Variants in MAP2K5 observed in about 807,000 individuals in gnomAD.
MAP2K5 encodes the protein dual specificity mitogen-activated protein kinase kinase 5.
A neutral mutation model predicts 83.1 loss-of-function variants in MAP2K5; 49 were observed. The observed-to-expected ratio is 0.59, with a 90% CI of 0.47 to 0.75. The LOEUF is 0.75. Ranked by LOEUF, MAP2K5 falls within the 30% of genes least tolerant of loss-of-function variation. The pLI, the probability that MAP2K5 is intolerant of heterozygous loss-of-function variation, is 0.00. For missense variants in MAP2K5, 457 were observed against 557.5 expected (o/e 0.82, Z 1.82); for synonymous variants, 202 against 191.8 (o/e 1.05, Z -0.44).
At chr15:67,699,119 G>T (rs968179145) in intron 15 of MAP2K5, among the ~76,000 whole-genome samples, 3 of 151,758 alleles carry the variant, frequency 2.0e-5, no homozygotes, top group Non-Finnish European at 4.4e-5. Context: ...GTTTAAATAT[G>T]CTAGCTAAGT....
intron 6 of MAP2K5, 82 bp from the exon 7 acceptor site, chr15:67,592,844 A>G: frequency 2.1e-6 from 2 of 933,430 alleles, no homozygotes; most frequent in South Asian, 2.9e-5. Flanking sequence ...TGTAAAAGCA[A>G]AGGTGTATTT....
At chr15:67,697,373 A>T (rs1238977202) in intron 15 of MAP2K5, among the ~76,000 whole-genome samples, 1 of 152,220 alleles carries the variant, frequency 6.6e-6, no homozygotes. Context: ...TTTTAGAGAT[A>T]AAGAAACTGA....
intron 9 of MAP2K5, chr15:67,641,392 A>G: frequency 5.0e-6 from 3 of 597,106 alleles, no homozygotes; most frequent in Non-Finnish European, 6.5e-6. Flanking sequence ...TAAGTGAATT[A>G]AAACAGAATA....
rs2087700712 is a variant in MAP2K5, at chr15:67,677,053, C to T, written c.847+12408C>T. ...GAGGGAATAGTTAGAACGTTCCTCA[C>T]ACTTTCCTGTTAACATCTCCTTTTC... On this transcript the variant is annotated intron_variant, in intron 13 of 21. Coordinates refer to ENST00000178640, the MANE Select transcript of MAP2K5 (RefSeq NM_145160.3). The surrounding 1 kb of genome is among the most constrained non-coding windows in gnomAD (Gnocchi z 4.2). Among the ~76,000 whole-genome samples, 1 of 152,192 alleles carries T rather than the reference C, an allele frequency of 6.6e-6. No homozygotes were observed. The highest frequency in any genetic ancestry group is 1.9e-4 in the East Asian group (1 of 5,202).
At chr15:67,548,963 T>G in intron 1 of MAP2K5, 6 of 1,337,298 alleles carry the variant, frequency 4.5e-6, no homozygotes, top group Non-Finnish European at 5.9e-6. Flanking sequence ...AAATTGCCAC[T>G]GCAGCAAAAG....
At chr15:67,649,354 T>C (rs561940310) in intron 11 of MAP2K5, among the ~76,000 whole-genome samples, 58 of 152,240 alleles carry the variant, frequency 3.8e-4, no homozygotes, top group Non-Finnish European at 7.4e-4. Flanking sequence ...TTCTTTTTTC[T>C]TTTCTTTTCC....
intron 15 of MAP2K5, among the ~76,000 whole-genome samples, chr15:67,701,198 A>G (rs527853328): frequency 1.3e-5 from 2 of 152,324 alleles, no homozygotes; most frequent in East Asian, 3.9e-4. Context: ...TATTTCTTTA[A>G]TAATTCTAGA....
chr15:67,634,503 T>G (rs150318116), intron 9 of MAP2K5, among the ~76,000 whole-genome samples: 63 of 152,136 alleles, frequency 4.1e-4, no homozygotes, highest in Non-Finnish European at 8.8e-4. Context: ...AGATATTTGA[T>G]TTTTATCTAG....
intron 16 of MAP2K5, among the ~76,000 whole-genome samples, chr15:67,712,736 G>A (rs1654270611): frequency 1.3e-5 from 2 of 152,178 alleles, no homozygotes; most frequent in Non-Finnish European, 2.9e-5. Flanking sequence ...GGTTAACATG[G>A]TGAAACTCCA....
In MAP2K5 at chr15:67,690,538, A is replaced by ATTTT. The variant is rs11418264; in HGVS notation, c.848-1930_848-1927dup. On this transcript the variant is annotated intron_variant, in intron 13 of 21. Transcript: ENST00000178640. This position sits in a 1 kb window ranked among gnomAD's most constrained non-coding sequence, Gnocchi z 4.3. ...GGTAAAGGGGACATTTGTCTTAGCAATTTTTTTTTTTTTTGAGACAAGTCT... is the reference window on the plus strand; with the variant it reads ...GGTAAAGGGGACATTTGTCTTAGCAATTTTTTTTTTTTTTTTTTGAGACAAGTCT... Among the ~76,000 whole-genome samples, 1 of 146,916 alleles carries ATTTT rather than the reference A, an allele frequency of 6.8e-6. No homozygotes were observed.
At chr15:67,725,974 A>C (rs926388720) in intron 16 of MAP2K5, among the ~76,000 whole-genome samples, 2 of 152,136 alleles carry the variant, frequency 1.3e-5, no homozygotes, top group Admixed American at 1.3e-4. Context: ...AAACATAATC[A>C]CACAAAACTT....
At chr15:67,591,306 C>T (rs930778851) in intron 6 of MAP2K5, among the ~76,000 whole-genome samples, 1 of 151,248 alleles carries the variant, frequency 6.6e-6, no homozygotes, top group Non-Finnish European at 1.5e-5. Context: ...GCTCACACCA[C>T]TGCACTCCAG....
At chr15:67,763,991 T>G (rs988969143) in intron 19 of MAP2K5, among the ~76,000 whole-genome samples, 4 of 152,200 alleles carry the variant, frequency 2.6e-5, no homozygotes, top group African/African-American at 4.8e-5. Context: ...AGTGTGACTC[T>G]CAATATTGGT....
intron 11 of MAP2K5, among the ~76,000 whole-genome samples, chr15:67,648,577 CTTTTT>C (rs56211889): frequency 7.1e-6 from 1 of 141,320 alleles, no homozygotes. Context: ...GTTTTCAGTT[CTTTTT>C]TTTTTTTTGA....
chr15:67,606,715 A>G (rs762730154), intron 8 of MAP2K5, among the ~76,000 whole-genome samples: 1 of 152,212 alleles, frequency 6.6e-6, no homozygotes, highest in Non-Finnish European at 1.5e-5. Context: ...GGGAGCTGGA[A>G]TCATATTAGC....
At chr15:67,696,035 G>A (rs536589480) in intron 15 of MAP2K5, among the ~76,000 whole-genome samples, 9 of 151,956 alleles carry the variant, frequency 5.9e-5, no homozygotes, top group African/African-American at 2.2e-4. Flanking sequence ...GGTTGGGGGT[G>A]GGGGGAGGTG....
At chr15:67,700,076 T>C (rs1158400481) in intron 15 of MAP2K5, among the ~76,000 whole-genome samples, 1 of 152,218 alleles carries the variant, frequency 6.6e-6, no homozygotes, top group Non-Finnish European at 1.5e-5. Flanking sequence ...AGCCTGAGTC[T>C]GAACAGAAAT....
chr15:67,576,152 G>A (rs955712103), intron 3 of MAP2K5, among the ~76,000 whole-genome samples: 3 of 146,060 alleles, frequency 2.1e-5, no homozygotes, highest in Admixed American at 6.8e-5. Context: ...CCTGATCTCA[G>A]GTGATCTGCC....
At position 67,774,520 on chromosome 15, in the gene MAP2K5, A is replaced by G. The variant is rs1200603893; in HGVS notation, c.1242+1768A>G. Among the ~76,000 whole-genome samples the G allele has an allele frequency of 6.6e-6, 1 of 152,132 alleles. No individual in the cohort carries two copies. The highest frequency in any genetic ancestry group is 1.5e-5 in the Non-Finnish European group (1 of 68,006). ...GTGAGCCCTGCCTGGACTTTGGGCA[A>G]AAGATTGGGCCCAATAGGGGATGGG... On this transcript the variant is annotated intron_variant, in intron 21 of 21. Coordinates refer to ENST00000178640, the MANE Select transcript of MAP2K5 (RefSeq NM_145160.3). This position sits in a 1 kb window ranked among gnomAD's most constrained non-coding sequence, Gnocchi z 4.9.
Sources: gnomAD v4.1 joint callset for allele counts (sites outside exome capture counted in the v4.1 genomes callset) on GRCh38, gnomAD v4.1.1 for gene constraint, Gnocchi (gnomAD v3.1) non-coding constraint, MANE v1.5 for transcripts, NCBI Gene and HGNC (gene_info 2026-07-23, HGNC 2026-07-21) for gene names.